Variants in MRAP2 observed in about 807,000 individuals in gnomAD.
The protein encoded by MRAP2 is melanocortin-2 receptor accessory protein 2.
MRAP2 carries 20 observed loss-of-function variants against 17.4 expected under a neutral mutation model. The observed-to-expected ratio is 1.15, with a 90% confidence interval of 0.81 to 1.67. The LOEUF is 1.67. MRAP2 is among the 40% of genes most tolerant of loss of function. The probability of loss-of-function intolerance (pLI) is 0.00; values close to 1 mark genes in which losing one functional copy is unlikely to be tolerated. For missense variants in MRAP2, 238 were observed against 240.0 expected (o/e 0.99, Z 0.05); for synonymous variants, 96 against 88.4 (o/e 1.09, Z -0.48).
intron 3 of MRAP2, among the ~76,000 whole-genome samples, chr6:84,066,237 T>C (rs2099494651): frequency 1.3e-5 from 2 of 152,212 alleles, no homozygotes; most frequent in South Asian, 4.1e-4. Flanking sequence ...CCCTGAATGC[T>C]TCTAACAAGG....
Position 84,055,300 on chromosome 6 carries a change from C to T in MRAP2, c.-7-12C>T, listed in dbSNP as rs780050202. 3.6e-5 allele frequency: 58 copies of T among 1,601,540 alleles called. 1 individual carries two copies. In the South Asian group the frequency reaches 6.1e-4, roughly 17 times the overall value. On this transcript the variant is annotated splice_polypyrimidine_tract_variant and intron_variant, in intron 1 of 3. Transcript: ENST00000257776. The stretch of plus-strand genomic sequence containing the variant: ...TAACAGGTTCTGCGCTTGACTTTCT[C>T]CATTTGTGCAGGTCGGAGATGTCCG...
At chr6:84,055,832 G>T (rs1387419822) in intron 2 of MRAP2, among the ~76,000 whole-genome samples, 1 of 152,184 alleles carries the variant, frequency 6.6e-6, no homozygotes, top group Non-Finnish European at 1.5e-5. Flanking sequence ...TAACACAGCA[G>T]CATCTTTTCA....
intron 2 of MRAP2, among the ~76,000 whole-genome samples, chr6:84,061,013 T>G (rs970091120): frequency 1.3e-5 from 2 of 152,112 alleles, no homozygotes; most frequent in African/African-American, 4.8e-5. Context: ...TGTCTTTTTT[T>G]ATGCCTCATT....
chr6:84,063,280 T>C, intron 3 of MRAP2: 1 of 985,220 alleles, frequency 1.0e-6, no homozygotes, highest in Non-Finnish European at 1.2e-6. Context: ...GAAATGTTTA[T>C]TAATTACAAT....
At chr6:84,037,933 C>T (rs2099486578) in intron 1 of MRAP2, among the ~76,000 whole-genome samples, 1 of 152,236 alleles carries the variant, frequency 6.6e-6, no homozygotes, top group African/African-American at 2.4e-5. Context: ...ATGGCCGGAG[C>T]AGACACTGCT....
intron 1 of MRAP2, among the ~76,000 whole-genome samples, chr6:84,038,483 C>CTTAT (rs145405006): frequency 0.077 from 11,630 of 151,824 alleles, 736 homozygotes; most frequent in African/African-American, 0.17. Flanking sequence ...TTTTATATTT[C>CTTAT]TTATTTATTT....
chr6:84,116,726 T>C, the MRAP2 span, among the ~76,000 whole-genome samples: 1 of 152,236 alleles, frequency 6.6e-6, no homozygotes, highest in Admixed American at 6.5e-5. Context: ...GAAGGAATTT[T>C]CTGCATCTAT....
At chr6:84,113,780 GAGGTGACAAAAT>G in the MRAP2 span, among the ~76,000 whole-genome samples, 1 of 152,160 alleles carries the variant, frequency 6.6e-6, no homozygotes, top group Non-Finnish European at 1.5e-5. Flanking sequence ...GGCAGGCCTG[GAGGTGACAAAAT>G]CTCTCAGCAT....
At chr6:84,034,786 C>T (rs1002079559) in intron 1 of MRAP2, among the ~76,000 whole-genome samples, 5 of 151,996 alleles carry the variant, frequency 3.3e-5, no homozygotes, top group African/African-American at 1.2e-4. Flanking sequence ...CAAAAGTAAA[C>T]AGTAGTATTT....
At chr6:84,128,742 T>G in the MRAP2 span, among the ~76,000 whole-genome samples, 27 of 152,154 alleles carry the variant, frequency 1.8e-4, no homozygotes, top group Non-Finnish European at 2.9e-4. Context: ...GTGCAGAACG[T>G]GCAGGTTTGT....
chr6:84,078,269 A>G (rs533849230), intron 3 of MRAP2, among the ~76,000 whole-genome samples: 34 of 152,362 alleles, frequency 2.2e-4, no homozygotes, highest in African/African-American at 6.5e-4. Context: ...CGCATATATT[A>G]TAAAACTTCC....
chr6:84,101,854 G>T, the MRAP2 span, among the ~76,000 whole-genome samples: 1 of 152,140 alleles, frequency 6.6e-6, no homozygotes, highest in Non-Finnish European at 1.5e-5. Context: ...TGGAAGCTTT[G>T]CAATGCTTCT....
At chr6:84,139,663 C>T in the MRAP2 span, among the ~76,000 whole-genome samples, 10 of 152,272 alleles carry the variant, frequency 6.6e-5, no homozygotes, top group South Asian at 1.0e-3. Context: ...AGATATCTGT[C>T]TATAGCAGTC....
At chr6:84,092,046 A>G (rs1042703887), downstream of MRAP2, among the ~76,000 whole-genome samples, 1 of 152,200 alleles carries the variant, frequency 6.6e-6, no homozygotes, top group Non-Finnish European at 1.5e-5. Flanking sequence ...GGAGGCTCTC[A>G]GGATTAATCA....
Position 84,089,655 on chromosome 6 carries a change from G to GT in MRAP2, c.*180dup. On this transcript the variant is annotated 3_prime_UTR_variant, in exon 4 of 4. Transcript: ENST00000257776. ...AGAGCTGAGCTGATTAAGCTGAGTGGTTTTTTGTTTTGTTTTGTTTTTGCT... is the reference window on the plus strand; with the variant it reads ...AGAGCTGAGCTGATTAAGCTGAGTGGTTTTTTTGTTTTGTTTTGTTTTTGCT... The GT allele has an allele frequency of 1.4e-6, 1 of 721,638 alleles. No individual in the cohort carries two copies. Among genetic ancestry groups the GT allele is most frequent in the Non-Finnish European group, 2.1e-6 (1 of 468,700 alleles). The allele number at this position is 721,638 out of a possible 1,614,324, so 44.7% of individuals were successfully genotyped here.
At chr6:84,042,546 C>T (rs1465099684) in intron 1 of MRAP2, among the ~76,000 whole-genome samples, 1 of 152,174 alleles carries the variant, frequency 6.6e-6, no homozygotes, top group Non-Finnish European at 1.5e-5. Flanking sequence ...ACCAGGTATG[C>T]CCTGAGACTC....
intron 1 of MRAP2, among the ~76,000 whole-genome samples, chr6:84,053,866 C>T (rs2099491056): frequency 6.6e-6 from 1 of 152,018 alleles, no homozygotes; most frequent in South Asian, 2.1e-4. Context: ...TTTTTGGGCC[C>T]ATCCTTTGAA....
intron 1 of MRAP2, among the ~76,000 whole-genome samples, chr6:84,046,981 G>A (rs1393912355): frequency 6.6e-6 from 1 of 151,544 alleles, no homozygotes; most frequent in East Asian, 2.0e-4. Flanking sequence ...ATCCCCACAG[G>A]GCTGCTGAAA....
chr6:84,087,552 C>T (rs1487037615), intron 3 of MRAP2, among the ~76,000 whole-genome samples: 1 of 152,190 alleles, frequency 6.6e-6, no homozygotes, highest in Non-Finnish European at 1.5e-5. Flanking sequence ...GCACACTCAT[C>T]CCTGTTCTCA....
Sources: allele counts gnomAD v4.1 joint callset (sites outside exome capture counted in the v4.1 genomes callset), GRCh38; gene constraint gnomAD v4.1.1; transcripts MANE v1.5; gene names NCBI Gene and HGNC (gene_info 2026-07-23, HGNC 2026-07-21).